HSDL2: variants seen among roughly 807,000 people sequenced by gnomAD.
HSDL2 encodes hydroxysteroid dehydrogenase like 2.
HSDL2 carries 27 observed loss-of-function variants against 46.3 expected under a neutral mutation model. The ratio of observed to expected loss-of-function variants is 0.58; its 90% CI spans 0.43 to 0.80. HSDL2 has a LOEUF of 0.80. Among genes scored for constraint, HSDL2 ranks in the 30% least tolerant of loss-of-function variants. The pLI is 0.00. For synonymous variants in HSDL2, 153 were observed against 163.6 expected (o/e 0.94, Z 0.50); for missense variants, 451 against 502.7 (o/e 0.90, Z 0.98).
intron 4 of HSDL2, among the ~76,000 whole-genome samples, chr9:112,413,355 G>C (rs942474707): frequency 6.6e-6 from 1 of 152,034 alleles, no homozygotes; most frequent in Non-Finnish European, 1.5e-5. Context: ...GCACACGCCT[G>C]TAATCCAGCT....
chr9:112,384,535 T>A (rs1029233353), intron 1 of HSDL2, among the ~76,000 whole-genome samples: 1 of 151,948 alleles, frequency 6.6e-6, no homozygotes, highest in Non-Finnish European at 1.5e-5. Context: ...AATACTTACA[T>A]TAAAAATCAC....
chr9:112,403,810 A>G (rs1831661117), intron 1 of HSDL2, among the ~76,000 whole-genome samples, 185 bp from the exon 2 acceptor site: 1 of 152,208 alleles, frequency 6.6e-6, no homozygotes, highest in African/African-American at 2.4e-5. Context: ...GTCATAAATA[A>G]TTTATCAGTC....
Position 112,405,688 on chromosome 9 carries a change from T to C in HSDL2, c.246T>C (p.Ser82=), listed in dbSNP as rs1831709539. The C allele has an allele frequency of 6.2e-7, 1 of 1,612,732 alleles. No homozygotes were observed. The highest frequency in any genetic ancestry group is 8.5e-7 in the Non-Finnish European group (1 of 1,179,264). ...IVDVRDEQQI[S]AAVEKAIKKF... Reference sequence around the variant, plus strand: ...ATGTGAGAGATGAACAGCAGATCAGTGCTGCAGTGGAGAAAGCCATCAAGA... The same window carrying C: ...ATGTGAGAGATGAACAGCAGATCAGCGCTGCAGTGGAGAAAGCCATCAAGA... The change falls in exon 3 of 11, where the codon AGT becomes AGC. Residue 82 remains serine (S), a synonymous_variant. Coordinates refer to ENST00000398805, the MANE Select transcript of HSDL2 (RefSeq NM_032303.5).
At chr9:112,417,036 A>AT (rs11447018) in intron 5 of HSDL2, 92 bp downstream of exon 5, 131,990 of 502,646 alleles carry the variant, frequency 0.26, 18,409 homozygotes, top group Admixed American at 0.4. Flanking sequence ...CAATCTGCAC[A>AT]TAACATTCAT....
Position 112,438,372 on chromosome 9 carries a change from A to G in HSDL2, c.599-59A>G, listed in dbSNP as rs1230091686. The G allele has an allele frequency of 5.4e-6, 6 of 1,113,566 alleles. 1 individual carries two copies. The highest frequency in any genetic ancestry group is 7.2e-6 in the Non-Finnish European group (6 of 832,140). The allele number at this position is 1,113,566 out of a possible 1,614,324, so 69.0% of individuals were successfully genotyped here. A position where few individuals can be genotyped will look rare whatever the true frequency, so the allele number is the denominator to read the frequency against. ...AGGGTGGTGCTTGCTTGTTACTTCCATAGTTTTATTATTTGATTTGGAGTT... is the reference window on the plus strand; with the variant it reads ...AGGGTGGTGCTTGCTTGTTACTTCCGTAGTTTTATTATTTGATTTGGAGTT... On this transcript the variant is annotated intron_variant, in intron 6 of 10. Coordinates refer to ENST00000398805, the MANE Select transcript of HSDL2 (RefSeq NM_032303.5).
intron 6 of HSDL2, among the ~76,000 whole-genome samples, chr9:112,420,519 A>G (rs1239053060): frequency 6.6e-6 from 1 of 150,634 alleles, no homozygotes; most frequent in Non-Finnish European, 1.5e-5. Context: ...AAAAAAAAAC[A>G]CACACAAAAA....
At chr9:112,407,136 AC>A (rs942563467) in intron 3 of HSDL2, among the ~76,000 whole-genome samples, 10 of 152,254 alleles carry the variant, frequency 6.6e-5, no homozygotes, top group Admixed American at 3.3e-4. Context: ...CCAAAATCTT[AC>A]CCCTAGCCGG....
chr9:112,424,737 A>G, intron 6 of HSDL2, among the ~76,000 whole-genome samples: 1 of 151,978 alleles, frequency 6.6e-6, no homozygotes, highest in East Asian at 1.9e-4. Context: ...TGAAAAAAAG[A>G]AAACATATTT....
At position 112,470,971 on chromosome 9, in the gene HSDL2, ATATACTTATTT is replaced by A. The variant is rs1833560589; in HGVS notation, c.*430_*440del. ...AATCTTAATGATGTTTTTGATTTTT[ATATACTTATTT>A]TAAAGAAAATCTTATATAGTACATT... On this transcript the variant is annotated 3_prime_UTR_variant, in exon 11 of 11. Coordinates refer to ENST00000398805, the MANE Select transcript of HSDL2 (RefSeq NM_032303.5). 6.6e-6 allele frequency: 1 copy of A among 152,424 alleles called. No homozygotes were observed. The highest frequency in any genetic ancestry group is 2.4e-5 in the African/African-American group (1 of 41,462). 9.4% of individuals were successfully genotyped at this position (152,424 alleles called of 1,614,324 possible).
rs147670465 is a variant in HSDL2 at position 112,460,537 on chromosome 9, C to A, written c.1144+960C>A. Among the ~76,000 whole-genome samples, 1,050 of 152,244 alleles carry A rather than the reference C, an allele frequency of 6.9e-3. 9 individuals carry two copies. Among genetic ancestry groups the A allele is most frequent in the African/African-American group, 0.024 (994 of 41,534 alleles). ...GCCAAGGTGGGAGGATCACTTGCGCCCAGGAGTTTGAGACCAGCCTGGGCA... is the reference window on the plus strand; with the variant it reads ...GCCAAGGTGGGAGGATCACTTGCGCACAGGAGTTTGAGACCAGCCTGGGCA... On this transcript the variant is annotated intron_variant, in intron 10 of 10. Transcript: ENST00000398805.
chr9:112,422,344 G>C (rs998748020), intron 6 of HSDL2, among the ~76,000 whole-genome samples: 3 of 152,042 alleles, frequency 2.0e-5, no homozygotes, highest in African/African-American at 4.8e-5. Flanking sequence ...CAGAATAGCA[G>C]TTTTCAGTGA....
chr9:112,458,323 T>TCTG (rs1554715590), intron 9 of HSDL2, among the ~76,000 whole-genome samples: 1 of 138,532 alleles, frequency 7.2e-6, no homozygotes, highest in African/African-American at 2.6e-5. Flanking sequence ...ACTTCTTCTT[T>TCTG]TTTTTTTTTT....
intron 4 of HSDL2, among the ~76,000 whole-genome samples, chr9:112,410,500 C>G (rs139157830): frequency 2.0e-5 from 3 of 152,242 alleles, no homozygotes; most frequent in African/African-American, 7.2e-5. Context: ...GGGTTGGTCA[C>G]GAGGGTTAAA....
intron 6 of HSDL2, among the ~76,000 whole-genome samples, chr9:112,424,029 A>G (rs1446952890): frequency 6.6e-6 from 1 of 150,648 alleles, no homozygotes; most frequent in Non-Finnish European, 1.5e-5. Flanking sequence ...GGTATCTTTT[A>G]AAAAAATTAG....
chr9:112,457,276 C>T (rs1290955256), intron 9 of HSDL2, among the ~76,000 whole-genome samples: 4 of 152,180 alleles, frequency 2.6e-5, no homozygotes, highest in African/African-American at 4.8e-5. Context: ...TTGGTTGTCA[C>T]AAAGAGAAGG....
intron 2 of HSDL2, 93 bp downstream of exon 2, chr9:112,404,251 GCTACC>G: frequency 1.6e-6 from 2 of 1,223,244 alleles, no homozygotes; most frequent in Non-Finnish European, 2.3e-6. Flanking sequence ...CTATTTGAAA[GCTACC>G]CTGAACATAA....
chr9:112,470,586 T>TA lies in HSDL2; in HGVS notation c.*49dup, dbSNP rs753767780. 26 of 1,064,364 alleles carry TA rather than the reference T, an allele frequency of 2.4e-5. No homozygotes were observed. The highest frequency in any genetic ancestry group is 4.9e-5 in the African/African-American group (3 of 61,824). 65.9% of individuals were successfully genotyped at this position (1,064,364 alleles called of 1,614,324 possible). On this transcript the variant is annotated 3_prime_UTR_variant, in exon 11 of 11. Transcript: ENST00000398805. ...AAAGTCGACTGCTATGCTCAAAAAGTAAAAAAAGCTCAACAGTTAAAATCT... is the reference window on the plus strand; with the variant it reads ...AAAGTCGACTGCTATGCTCAAAAAGTAAAAAAAAGCTCAACAGTTAAAATCT...
intron 10 of HSDL2, among the ~76,000 whole-genome samples, chr9:112,460,647 T>A (rs929034378): frequency 3.3e-5 from 5 of 152,114 alleles, no homozygotes; most frequent in Non-Finnish European, 1.5e-5. Flanking sequence ...CTACTCCAGT[T>A]AAGGTAGGAG....
intron 1 of HSDL2, among the ~76,000 whole-genome samples, chr9:112,390,751 C>T (rs997115548): frequency 2.0e-5 from 3 of 152,088 alleles, no homozygotes; most frequent in African/African-American, 7.2e-5. Flanking sequence ...CCACACCTGG[C>T]CTCAAGACCA....
Sources: allele counts gnomAD v4.1 joint callset (sites outside exome capture counted in the v4.1 genomes callset), GRCh38; gene constraint gnomAD v4.1.1; transcripts MANE v1.5; gene names NCBI Gene and HGNC (gene_info 2026-07-23, HGNC 2026-07-21).